The following ELOVL6 variants were observed in gnomAD, a reference collection of about 807,000 sequenced individuals.
ELOVL6 encodes very long chain fatty acid elongase 6.
Under a neutral mutation model 31.7 loss-of-function variants are expected in ELOVL6, and 8 were observed. The observed-to-expected ratio is 0.25, with a 90% CI of 0.15 to 0.45. The LOEUF (loss-of-function observed/expected upper bound fraction) is 0.45. ELOVL6 is among the 20% of genes least tolerant of loss of function. The pLI, the probability that ELOVL6 is intolerant of heterozygous loss-of-function variation, is 1.00. For synonymous variants in ELOVL6, 101 were observed against 117.7 expected, an observed-to-expected ratio of 0.86 and a Z score of 0.92; for missense variants, 126 against 326.4, an observed-to-expected ratio of 0.39 and a Z score of 4.73.
Position 110,164,560 on chromosome 4 carries a change from C to T in ELOVL6, c.89+33687G>A, listed in dbSNP as rs557597628. Among the ~76,000 whole-genome samples, 19 of 151,804 alleles carry T rather than the reference C, an allele frequency of 1.3e-4. 1 individual carries two copies. The East Asian group carries it at 2.2e-3, about 17-fold the overall frequency. ...GCAGAAACAAGCTGAGGCAACGTGG[C>T]GAAAGCCCATCTCTACAAAAAATAG... On this transcript the variant is annotated intron_variant, in intron 1 of 3. Transcript: ENST00000302274.
chr4:110,105,943 T>G (rs1756878226), intron 1 of ELOVL6, among the ~76,000 whole-genome samples: 1 of 152,258 alleles, frequency 6.6e-6, no homozygotes, highest in African/African-American at 2.4e-5. Flanking sequence ...CTGAGAGAAA[T>G]AATTTTATTC....
chr4:110,062,442 C>A (rs938448177), intron 2 of ELOVL6, among the ~76,000 whole-genome samples: 1 of 152,156 alleles, frequency 6.6e-6, no homozygotes, highest in African/African-American at 2.4e-5. Flanking sequence ...ACTGTGGGGG[C>A]CAATGGGATA....
At chr4:110,122,773 A>G (rs1285726239) in intron 1 of ELOVL6, among the ~76,000 whole-genome samples, 1 of 152,178 alleles carries the variant, frequency 6.6e-6, no homozygotes. Flanking sequence ...TGCTACAACT[A>G]TACTGTCATT....
chr4:110,150,822 C>T (rs1167559608), intron 1 of ELOVL6, among the ~76,000 whole-genome samples: 2 of 152,106 alleles, frequency 1.3e-5, no homozygotes, highest in Non-Finnish European at 2.9e-5. Flanking sequence ...GTGGACGGAT[C>T]ACCTGAGGTC....
At chr4:110,192,903 A>G (rs1462262315) in intron 1 of ELOVL6, among the ~76,000 whole-genome samples, 1 of 152,228 alleles carries the variant, frequency 6.6e-6, no homozygotes, top group Admixed American at 6.5e-5. Flanking sequence ...CAAAATAAAC[A>G]GCAAGTGACA....
intron 2 of ELOVL6, among the ~76,000 whole-genome samples, chr4:110,080,037 C>T (rs1170637946): frequency 3.1e-4 from 47 of 152,112 alleles, no homozygotes; most frequent in Admixed American, 3.1e-3. Context: ...CAAGACTAAA[C>T]CAGGAGGAAG....
chr4:110,079,512 A>G (rs4698808), intron 2 of ELOVL6, among the ~76,000 whole-genome samples: 82,058 of 151,662 alleles, frequency 0.54, 23,179 homozygotes, highest in African/African-American at 0.7. Context: ...ACGAAATGAA[A>G]GCAGAAATAA....
chr4:110,084,222 T>TGATATATATAACATATAAC (rs1756082324), intron 2 of ELOVL6, among the ~76,000 whole-genome samples: 1 of 57,846 alleles, frequency 1.7e-5, no homozygotes, highest in Non-Finnish European at 3.3e-5. Context: ...ATATAACTTA[T>TGATATATATAACATATAAC]ATGATATATA....
intron 1 of ELOVL6, among the ~76,000 whole-genome samples, chr4:110,128,920 G>T (rs757645951): frequency 1.3e-5 from 2 of 152,158 alleles, no homozygotes; most frequent in Non-Finnish European, 2.9e-5. Flanking sequence ...TACAAGAAAG[G>T]CTGGACTGAT....
chr4:110,099,203 G>A (rs1756674355), intron 2 of ELOVL6, among the ~76,000 whole-genome samples: 1 of 151,904 alleles, frequency 6.6e-6, no homozygotes, highest in Non-Finnish European at 1.5e-5. Flanking sequence ...GATATCAGTG[G>A]GAAACAGATC....
chr4:110,100,531 A>G (rs1267499278), intron 2 of ELOVL6, among the ~76,000 whole-genome samples: 4 of 152,098 alleles, frequency 2.6e-5, no homozygotes, highest in Non-Finnish European at 5.9e-5. Flanking sequence ...TAATTCCCAT[A>G]ATGTTGTCTC....
At chr4:110,140,210 A>G (rs1328647817) in intron 1 of ELOVL6, among the ~76,000 whole-genome samples, 1 of 152,020 alleles carries the variant, frequency 6.6e-6, no homozygotes, top group Non-Finnish European at 1.5e-5. Context: ...CTTTTCTTTT[A>G]CTTTTCTTTC....
At chr4:110,082,906 T>C (rs1312729659) in intron 2 of ELOVL6, among the ~76,000 whole-genome samples, 4 of 148,554 alleles carry the variant, frequency 2.7e-5, no homozygotes, top group East Asian at 3.8e-4. Context: ...AACAGCTCCA[T>C]AGAAATCTCA....
intron 1 of ELOVL6, among the ~76,000 whole-genome samples, chr4:110,133,957 G>A (rs1002927915): frequency 2.0e-5 from 3 of 152,118 alleles, no homozygotes; most frequent in African/African-American, 4.8e-5. Flanking sequence ...TATCCATAAC[G>A]CTTTAACGCA....
intron 1 of ELOVL6, among the ~76,000 whole-genome samples, chr4:110,125,438 C>T (rs1355386216): frequency 6.6e-6 from 1 of 152,034 alleles, no homozygotes; most frequent in African/African-American, 2.4e-5. Flanking sequence ...AAGACCAAGA[C>T]CATGTCAATA....
chr4:110,084,582 A>ATTTTT (rs1756179383), intron 2 of ELOVL6, among the ~76,000 whole-genome samples: 1 of 54,488 alleles, frequency 1.8e-5, no homozygotes, highest in African/African-American at 1.3e-4. Flanking sequence ...ATATATATAT[A>ATTTTT]TATATATTTT....
At chr4:110,055,301 A>C (rs1754950024) in intron 3 of ELOVL6, among the ~76,000 whole-genome samples, 1 of 152,196 alleles carries the variant, frequency 6.6e-6, no homozygotes, top group Non-Finnish European at 1.5e-5. Context: ...GTTAACTATC[A>C]GAGGGACTGT....
intron 2 of ELOVL6, among the ~76,000 whole-genome samples, chr4:110,084,321 A>ATATCACATATATGAT (rs1344201892): frequency 1.3e-5 from 1 of 75,064 alleles, no homozygotes; most frequent in African/African-American, 7.6e-5. Flanking sequence ...AACATATATA[A>ATATCACATATATGAT]ATTTGATATA....
intron 1 of ELOVL6, among the ~76,000 whole-genome samples, chr4:110,171,445 A>C (rs1482906809): frequency 7.2e-6 from 1 of 137,956 alleles, no homozygotes; most frequent in Non-Finnish European, 1.6e-5. Flanking sequence ...TAAATAAATA[A>C]ATAGTATTAG....
Sources: gnomAD v4.1 joint callset for allele counts (sites outside exome capture counted in the v4.1 genomes callset) on GRCh38, gnomAD v4.1.1 for gene constraint, MANE v1.5 for transcripts, NCBI Gene and HGNC (gene_info 2026-07-23, HGNC 2026-07-21) for gene names.